Variants in SLC25A19 observed in about 807,000 individuals in gnomAD.
The protein encoded by SLC25A19 is mitochondrial thiamine pyrophosphate carrier.
A neutral mutation model predicts 27.9 loss-of-function variants in SLC25A19; 18 were observed. That is an observed-to-expected ratio of 0.64 (90% CI 0.45 to 0.96). The LOEUF (loss-of-function observed/expected upper bound fraction) is 0.96. Ranked by LOEUF, SLC25A19 falls within the 40% of genes least tolerant of loss-of-function variation. The probability of loss-of-function intolerance (pLI) is 0.00; values close to 1 mark genes in which losing one functional copy is unlikely to be tolerated. For missense variants in SLC25A19, 371 were observed against 418.3 expected, an observed-to-expected ratio of 0.89 and a Z score of 0.99; for synonymous variants, 169 against 167.1, an observed-to-expected ratio of 1.01 and a Z score of -0.09.
intron 4 of SLC25A19, among the ~76,000 whole-genome samples, chr17:75,285,468 A>G (rs986789872): frequency 6.6e-6 from 1 of 152,172 alleles, no homozygotes; most frequent in African/African-American, 2.4e-5. Context: ...ATGCTGCAAT[A>G]TCTGTTTGCA....
chr17:75,279,029 T>A (rs925021097), intron 5 of SLC25A19, among the ~76,000 whole-genome samples: 17 of 143,464 alleles, frequency 1.2e-4, no homozygotes, highest in Admixed American at 5.5e-4. Flanking sequence ...AAATAAATAA[T>A]AAAAATAAAG....
chr17:75,275,792 T>A (rs918997425), intron 7 of SLC25A19, among the ~76,000 whole-genome samples: 4 of 151,842 alleles, frequency 2.6e-5, no homozygotes, highest in African/African-American at 7.3e-5. Flanking sequence ...CTGTCTCATA[T>A]GGTGAAACCC....
intron 2 of SLC25A19, chr17:75,288,027 CCA>C (rs2078224521): frequency 6.6e-6 from 1 of 151,418 alleles, no homozygotes; most frequent in Non-Finnish European, 1.5e-5. Context: ...GCCTGTAATC[CCA>C]GTTACTTGGG....
intron 5 of SLC25A19, 109 bp from the exon 6 acceptor site, chr17:75,278,444 A>C (rs553172541): frequency 1.6e-6 from 2 of 1,214,774 alleles, no homozygotes. Context: ...CAGGAGCGAA[A>C]CTCCTCCTGC....
chr17:75,280,675 C>T (rs549267162), intron 5 of SLC25A19, among the ~76,000 whole-genome samples: 9 of 150,794 alleles, frequency 6.0e-5, no homozygotes, highest in South Asian at 4.2e-4. Flanking sequence ...TAGCCAGGCG[C>T]GGTGGTGGGC....
intron 5 of SLC25A19, among the ~76,000 whole-genome samples, chr17:75,281,533 C>G: frequency 6.6e-6 from 1 of 152,090 alleles, no homozygotes. Context: ...CCTGTCTCTA[C>G]GAAAAATATA....
chr17:75,276,603 G>A (rs188004859), intron 7 of SLC25A19, among the ~76,000 whole-genome samples: 3 of 149,832 alleles, frequency 2.0e-5, no homozygotes, highest in East Asian at 2.0e-4. Flanking sequence ...CCTGACCTCA[G>A]GTGATCCACT....
At chr17:75,280,548 C>T (rs746922126) in intron 5 of SLC25A19, among the ~76,000 whole-genome samples, 8 of 151,818 alleles carry the variant, frequency 5.3e-5, no homozygotes, top group Non-Finnish European at 1.2e-4. Context: ...GGCGCGGTGG[C>T]TCACGCCTGT....
At chr17:75,276,869 G>T (rs1401495012) in intron 7 of SLC25A19, among the ~76,000 whole-genome samples, 1 of 144,852 alleles carries the variant, frequency 6.9e-6, no homozygotes, top group African/African-American at 2.6e-5. Context: ...TTTTTTAGTA[G>T]AGATGGGCTT....
At chr17:75,286,208 C>T in intron 4 of SLC25A19, 96 bp downstream of exon 4, 1 of 1,493,672 alleles carries the variant, frequency 6.7e-7, no homozygotes. Flanking sequence ...CTCTTCCGTC[C>T]TGCCCTGCGC....
At chr17:75,279,222 T>C (rs2077974978) in intron 5 of SLC25A19, among the ~76,000 whole-genome samples, 1 of 151,962 alleles carries the variant, frequency 6.6e-6, no homozygotes, top group African/African-American at 2.4e-5. Flanking sequence ...GTAAAAGTAG[T>C]CGCCTCTGGG....
At chr17:75,283,342 T>A in intron 5 of SLC25A19, 81 bp downstream of exon 5, 1 of 1,342,154 alleles carries the variant, frequency 7.5e-7, no homozygotes, top group Non-Finnish European at 1.0e-6. Flanking sequence ...AATAAATAAA[T>A]AAATAAAAAA....
chr17:75,283,721 GTTC>G, intron 4 of SLC25A19, 128 bp from the exon 5 acceptor site: 1 of 863,234 alleles, frequency 1.2e-6, no homozygotes. Flanking sequence ...GTCAGGAAAT[GTTC>G]TTCTTGAGCA....
intron 5 of SLC25A19, among the ~76,000 whole-genome samples, chr17:75,281,942 G>C (rs898581023): frequency 1.5e-4 from 23 of 152,052 alleles, no homozygotes; most frequent in African/African-American, 5.6e-4. Flanking sequence ...CTGAAAACCC[G>C]AACCTCTCCC....
chr17:75,279,506 C>CT (rs35328245), intron 5 of SLC25A19, among the ~76,000 whole-genome samples: 13,315 of 114,022 alleles, frequency 0.12, 998 homozygotes, highest in African/African-American at 0.2. Flanking sequence ...ATGCTATTAT[C>CT]TTTTTTTTTT....
chr17:75,278,304 G>A lies in SLC25A19; in HGVS notation c.491C>T (p.Thr164Ile), dbSNP rs1010493280. The A allele has an allele frequency of 1.2e-6, 2 of 1,613,978 alleles. No individual in the cohort carries two copies. The highest frequency in any genetic ancestry group is 1.3e-5 in the African/African-American group (1 of 74,872). ...VYNTLRHAVG[T>I]MYRSEGPQVF... ...CTGGGGGCCTTCGCTCCTATACATG[G>A]TCCCCACGGCGTGGCGCAGCGTATT... Residue 164 changes from threonine (T) to isoleucine (I), a missense_variant, in exon 6 of 8, where the codon ACC becomes ATC. Coordinates refer to ENST00000416858, the MANE Select transcript of SLC25A19 (RefSeq NM_001126121.2).
chr17:75,277,211 A>C, intron 7 of SLC25A19, 142 bp downstream of exon 7: 1 of 1,059,704 alleles, frequency 9.4e-7, no homozygotes, highest in Non-Finnish European at 1.4e-6. Context: ...CCACATGCTT[A>C]GGGATCTCAA....
At chr17:75,286,945 T>TA in intron 2 of SLC25A19, 143 bp from the exon 3 acceptor site, 1 of 793,650 alleles carries the variant, frequency 1.3e-6, no homozygotes, top group Non-Finnish European at 2.0e-6. Flanking sequence ...TTCATGCCTG[T>TA]ATCCCAGCAC....
intron 2 of SLC25A19, 62 bp from the exon 3 acceptor site, chr17:75,286,864 C>T: frequency 6.7e-7 from 1 of 1,494,844 alleles, no homozygotes; most frequent in East Asian, 2.4e-5. Flanking sequence ...GCTCAAATAT[C>T]ACCTCCTCAG....
Sources: gnomAD v4.1 joint callset for allele counts (sites outside exome capture counted in the v4.1 genomes callset) on GRCh38, gnomAD v4.1.1 for gene constraint, MANE v1.5 for transcripts, NCBI Gene and HGNC (gene_info 2026-07-23, HGNC 2026-07-21) for gene names.